COL22A1: variants seen among roughly 807,000 people sequenced by gnomAD.
COL22A1 encodes collagen alpha-1(XXII) chain.
Under a neutral mutation model 248.9 loss-of-function variants are expected in COL22A1, and 221 were observed. The observed-to-expected ratio is 0.89, with a 90% confidence interval of 0.80 to 0.99. COL22A1 has a LOEUF of 0.99. Among genes scored for constraint, COL22A1 ranks in the 50% least tolerant of loss-of-function variants. COL22A1 has a pLI of 0.00. For missense variants in COL22A1, 2,240 were observed against 2,179.0 expected, an observed-to-expected ratio of 1.03 and a Z score of -0.56; for synonymous variants, 891 against 793.4, an observed-to-expected ratio of 1.12 and a Z score of -2.07.
intron 63 of COL22A1, among the ~76,000 whole-genome samples, chr8:138,592,807 A>G (rs192785320): frequency 1.3e-5 from 2 of 152,332 alleles, no homozygotes; most frequent in Admixed American, 1.3e-4. Flanking sequence ...TTATTCAAAA[A>G]TTATTATTAA....
At chr8:138,613,765 T>G (rs1473225688) in intron 56 of COL22A1, 102 bp downstream of exon 56, 3 of 1,108,760 alleles carry the variant, frequency 2.7e-6, no homozygotes, top group Non-Finnish European at 4.2e-6. Context: ...TTACAATTTT[T>G]TAACAATATA....
chr8:138,681,926 A>C (rs538852825), intron 39 of COL22A1, among the ~76,000 whole-genome samples: 1 of 152,356 alleles, frequency 6.6e-6, no homozygotes, highest in African/African-American at 2.4e-5. Flanking sequence ...AAATTAGTGT[A>C]AGCTTGGGAT....
chr8:138,602,240 C>A, intron 59 of COL22A1, 81 bp from the exon 60 acceptor site: 3 of 1,514,164 alleles, frequency 2.0e-6, no homozygotes, highest in Non-Finnish European at 2.7e-6. Flanking sequence ...TCTTCACAGT[C>A]CTGCATGCTG....
At chr8:138,634,072 C>T (rs1036622244) in intron 49 of COL22A1, among the ~76,000 whole-genome samples, 5 of 152,256 alleles carry the variant, frequency 3.3e-5, no homozygotes, top group African/African-American at 1.2e-4. Flanking sequence ...GTGAAAGATG[C>T]CATGTCATGC....
intron 4 of COL22A1, among the ~76,000 whole-genome samples, chr8:138,837,946 C>G (rs529032389): frequency 1.3e-5 from 2 of 152,094 alleles, no homozygotes. Flanking sequence ...GAGGACGTGC[C>G]TTGCAGGGTT....
At chr8:138,875,725 C>G (rs1270596488) in intron 3 of COL22A1, among the ~76,000 whole-genome samples, 1 of 152,148 alleles carries the variant, frequency 6.6e-6, no homozygotes, top group South Asian at 2.1e-4. Flanking sequence ...CTCAGGCCTA[C>G]AACTGAGGGC....
At chr8:138,650,599 C>G (rs1822624844) in intron 45 of COL22A1, among the ~76,000 whole-genome samples, 1 of 152,140 alleles carries the variant, frequency 6.6e-6, no homozygotes. Context: ...CTCATCCACC[C>G]TGCCTCTCTC....
At position 138,602,172 on chromosome 8, in the gene COL22A1, A is replaced by G. The variant is rs1309593613; in HGVS notation, c.4141-13T>C. The G allele has an allele frequency of 3.7e-6, 6 of 1,614,036 alleles. No homozygotes were observed. On this transcript the variant is annotated splice_polypyrimidine_tract_variant and intron_variant, in intron 59 of 64. Transcript: ENST00000303045. ...TCCCAGGGACCCCCTGCAAGGAGAA[A>G]GAAAGGACAGTCATTGCCCCGGGCC...
At chr8:138,870,170 G>A (rs1412059493) in intron 3 of COL22A1, among the ~76,000 whole-genome samples, 1 of 151,790 alleles carries the variant, frequency 6.6e-6, no homozygotes, top group African/African-American at 2.4e-5. Flanking sequence ...TGTGGGTGTG[G>A]AGGGTTGCGT....
intron 39 of COL22A1, among the ~76,000 whole-genome samples, chr8:138,682,115 A>C (rs7828523): frequency 0.98 from 149,453 of 152,290 alleles, 73,392 homozygotes; most frequent in East Asian, 1. Context: ...TTGTTGAGAT[A>C]CCAAAGGTGC....
At chr8:138,724,735 C>T in intron 24 of COL22A1, 67 bp from the exon 25 acceptor site, 2 of 1,505,346 alleles carry the variant, frequency 1.3e-6, no homozygotes, top group Non-Finnish European at 1.8e-6. Context: ...GACTCAACCT[C>T]TTTCCTGGCA....
chr8:138,784,415 A>C (rs1815320817), intron 12 of COL22A1, among the ~76,000 whole-genome samples: 1 of 152,212 alleles, frequency 6.6e-6, no homozygotes. Context: ...GCATGCTGTC[A>C]CGGCAGGTGC....
intron 50 of COL22A1, among the ~76,000 whole-genome samples, chr8:138,626,788 ATTTG>A: frequency 6.6e-6 from 1 of 152,140 alleles, no homozygotes; most frequent in Admixed American, 6.5e-5. Context: ...CTTTCCTTGT[ATTTG>A]AAAAACTGTT....
intron 3 of COL22A1, among the ~76,000 whole-genome samples, chr8:138,876,409 T>C (rs1276309961): frequency 1.3e-5 from 2 of 152,198 alleles, no homozygotes; most frequent in Non-Finnish European, 2.9e-5. Context: ...CATTCCCTTT[T>C]ATGTGGCTTT....
chr8:138,625,678 T>C (rs1344892345), intron 51 of COL22A1, among the ~76,000 whole-genome samples: 3 of 152,216 alleles, frequency 2.0e-5, no homozygotes, highest in Non-Finnish European at 4.4e-5. Context: ...TACAAAATTG[T>C]CCGTTGTAGT....
chr8:138,696,324 C>T (rs1827499051), intron 32 of COL22A1, among the ~76,000 whole-genome samples: 1 of 152,100 alleles, frequency 6.6e-6, no homozygotes, highest in Non-Finnish European at 1.5e-5. Flanking sequence ...TGAGCATCTG[C>T]CTTGGGTGTA....
At chr8:138,593,292 G>A (rs1214696192) in intron 63 of COL22A1, among the ~76,000 whole-genome samples, 1 of 151,888 alleles carries the variant, frequency 6.6e-6, no homozygotes, top group Non-Finnish European at 1.5e-5. Flanking sequence ...CTAGATGACG[G>A]TTTGATAGGT....
At chr8:138,617,752 G>A (rs1488622402) in intron 53 of COL22A1, among the ~76,000 whole-genome samples, 1 of 152,168 alleles carries the variant, frequency 6.6e-6, no homozygotes, top group Non-Finnish European at 1.5e-5. Flanking sequence ...GGTCTGAGAT[G>A]GGACCATGGC....
chr8:138,769,658 G>A (rs553446263), intron 16 of COL22A1, among the ~76,000 whole-genome samples: 1 of 152,288 alleles, frequency 6.6e-6, no homozygotes, highest in Non-Finnish European at 1.5e-5. Flanking sequence ...CTGCCAAGTG[G>A]CTGCTCCATA....
Sources: allele counts gnomAD v4.1 joint callset (sites outside exome capture counted in the v4.1 genomes callset), GRCh38; gene constraint gnomAD v4.1.1; transcripts MANE v1.5; gene names NCBI Gene and HGNC (gene_info 2026-07-23, HGNC 2026-07-21).